Variants in ZFYVE28 observed in about 807,000 individuals in gnomAD.
ZFYVE28 encodes lateral signaling target protein 2 homolog.
In ZFYVE28, 40 loss-of-function variants were observed where a neutral mutation model predicts 82.1. That is an observed-to-expected ratio of 0.49 (90% CI 0.38 to 0.63). The LOEUF (loss-of-function observed/expected upper bound fraction) is 0.63. Among genes scored for constraint, ZFYVE28 ranks in the 30% least tolerant of loss-of-function variants. The pLI is 0.00. For synonymous variants in ZFYVE28, 612 were observed against 546.1 expected (o/e 1.12, Z -1.68); for missense variants, 1,321 against 1,242.1 (o/e 1.06, Z -0.96).
At position 2,303,296 on chromosome 4, in the gene ZFYVE28, G is replaced by A. The variant is rs567297888; in HGVS notation, c.2051+993C>T. ...GAAGGAGGCGTCTGCCCGCCACCAAGAACCCCCTTCCCCAGTGTGAGGACC... is the reference window on the plus strand; with the variant it reads ...GAAGGAGGCGTCTGCCCGCCACCAAAAACCCCCTTCCCCAGTGTGAGGACC... On this transcript the variant is annotated intron_variant, in intron 8 of 12. Coordinates refer to ENST00000290974, the MANE Select transcript of ZFYVE28 (RefSeq NM_020972.3). Among the ~76,000 whole-genome samples, 4 of 152,298 alleles carry A rather than the reference G, an allele frequency of 2.6e-5. No homozygotes were observed. The South Asian group carries it at 8.3e-4, about 32-fold the overall frequency.
At chr4:2,397,016 G>A (rs946326166) in intron 1 of ZFYVE28, among the ~76,000 whole-genome samples, 6 of 152,220 alleles carry the variant, frequency 3.9e-5, no homozygotes, top group African/African-American at 1.2e-4. Flanking sequence ...GAAGGACTCC[G>A]GCTCAGGGGC....
chr4:2,320,268 G>A lies in ZFYVE28; in HGVS notation c.705C>T (p.Gly235=). The A allele has an allele frequency of 6.2e-7, 1 of 1,613,964 alleles. No individual in the cohort carries two copies. The highest frequency in any genetic ancestry group is 8.5e-7 in the Non-Finnish European group (1 of 1,179,900). ...FSIPRLAIVC[G]LVVYADGPLN... ...GAGGTCCGTCCGCATAGACCACGAG[G>A]CCACTGCATTTGAGACACAAAAGCC... The change falls in exon 7 of 13, where the codon GGC becomes GGT. Residue 235 remains glycine, a synonymous_variant. Transcript: ENST00000290974. This position sits in a 1 kb window ranked among gnomAD's most constrained non-coding sequence, Gnocchi z 5.1.
At chr4:2,317,710 G>A (rs1421848042) in intron 7 of ZFYVE28, among the ~76,000 whole-genome samples, 2 of 152,080 alleles carry the variant, frequency 1.3e-5, no homozygotes, top group African/African-American at 4.8e-5. Flanking sequence ...TCAGCTCACT[G>A]CAAATTCCGC....
chr4:2,306,747 G>C (rs148209099), intron 7 of ZFYVE28: 2 of 152,200 alleles, frequency 1.3e-5, no homozygotes, highest in Admixed American at 6.5e-5. Context: ...TGGGCTTTCT[G>C]CTGTTGTATT....
chr4:2,308,677 GAGAA>G (rs1201951618), intron 7 of ZFYVE28, among the ~76,000 whole-genome samples: 1 of 76,490 alleles, frequency 1.3e-5, no homozygotes, highest in Non-Finnish European at 2.5e-5. Context: ...AAGAAAGAAA[GAGAA>G]AGAAAGAAAA....
At chr4:2,305,847 A>C (rs743695) in intron 7 of ZFYVE28, among the ~76,000 whole-genome samples, 46,615 of 152,118 alleles carry the variant, frequency 0.31, 7,589 homozygotes, top group African/African-American at 0.43. Context: ...TGTTAGCTGC[A>C]TGAATAAAAA....
At chr4:2,343,711 C>T (rs1481789710) in intron 2 of ZFYVE28, among the ~76,000 whole-genome samples, 1 of 151,858 alleles carries the variant, frequency 6.6e-6, no homozygotes, top group Non-Finnish European at 1.5e-5. Context: ...AGTGCTCAGC[C>T]CAGGTGGCAC....
intron 6 of ZFYVE28, among the ~76,000 whole-genome samples, chr4:2,334,969 G>T (rs943629527): frequency 6.0e-5 from 9 of 149,620 alleles, no homozygotes; most frequent in African/African-American, 2.2e-4. Context: ...CTGGAGTCAG[G>T]GTGTGGATGA....
At position 2,304,477 on chromosome 4, in the gene ZFYVE28, G is replaced by A. The variant is rs755208951; in HGVS notation, c.1863C>T (p.Ser621=). 6.2e-7 allele frequency: 1 copy of A among 1,613,322 alleles called. No individual in the cohort carries two copies. The highest frequency in any genetic ancestry group is 8.5e-7 in the Non-Finnish European group (1 of 1,179,848). Residue 621 remains serine, a synonymous_variant, in exon 8 of 13, where the codon TCC becomes TCT. Coordinates refer to ENST00000290974, the MANE Select transcript of ZFYVE28 (RefSeq NM_020972.3). ...EEAPPPSEDA[S]NGREPKAPTS... is the part of the protein sequence containing the mutation. ...TGGGGGCTTTGGGCTCCCGCCCGTT[G>A]GAGGCATCTTCTGAGGGTGGGGGCG...
rs1578446611 is a variant in ZFYVE28 at position 2,416,982 on chromosome 4, A to G, written c.39+1303T>C. Among the ~76,000 whole-genome samples the G allele has an allele frequency of 6.6e-6, 1 of 150,722 alleles. No individual in the cohort carries two copies. Among genetic ancestry groups the G allele is most frequent in the Admixed American group, 6.6e-5 (1 of 15,178 alleles). ...ACCTCCGTGCCGATCTTCCAAACCC[A>G]CCTCCCGCCTTCCTGGAATGGGCGC... On this transcript the variant is annotated intron_variant, in intron 1 of 12. Coordinates refer to ENST00000290974, the MANE Select transcript of ZFYVE28 (RefSeq NM_020972.3). The surrounding 1 kb of genome is among the most constrained non-coding windows in gnomAD (Gnocchi z 4.6).
intron 2 of ZFYVE28, among the ~76,000 whole-genome samples, chr4:2,344,194 A>G (rs1723195764): frequency 1.3e-5 from 2 of 152,226 alleles, no homozygotes; most frequent in South Asian, 4.1e-4. Context: ...CAGAGAAGAG[A>G]GAGCTGGACA....
At chr4:2,291,598 C>T (rs1446364885) in intron 8 of ZFYVE28, among the ~76,000 whole-genome samples, 1 of 152,210 alleles carries the variant, frequency 6.6e-6, no homozygotes, top group African/African-American at 2.4e-5. Flanking sequence ...GTGTGCCTCA[C>T]TGAGACCTGT....
chr4:2,270,623 C>A lies in ZFYVE28; in HGVS notation c.*102G>T. ...GGAGGTCTGGGTGCCCCTGCAGCAG[C>A]GGCAGCGGCCTCATGAGACGCAGTG... On this transcript the variant is annotated 3_prime_UTR_variant, in exon 13 of 13. Coordinates refer to ENST00000290974, the MANE Select transcript of ZFYVE28 (RefSeq NM_020972.3). 6.6e-7 allele frequency: 1 copy of A among 1,513,464 alleles called. No individual in the cohort carries two copies. Among genetic ancestry groups the A allele is most frequent in the Non-Finnish European group, 9.0e-7 (1 of 1,112,678 alleles). The allele number at this position is 1,513,464 out of a possible 1,614,324, so 93.8% of individuals were successfully genotyped here.
intron 8 of ZFYVE28, among the ~76,000 whole-genome samples, chr4:2,297,445 C>A (rs947215381): frequency 1.3e-5 from 2 of 152,164 alleles, no homozygotes; most frequent in South Asian, 4.1e-4. Flanking sequence ...CCAGGTGGGG[C>A]GCGGTGGGTG....
chr4:2,272,992 C>A (rs1263387206), intron 10 of ZFYVE28, among the ~76,000 whole-genome samples, 181 bp downstream of exon 10: 1 of 152,188 alleles, frequency 6.6e-6, no homozygotes, highest in Non-Finnish European at 1.5e-5. Flanking sequence ...GGCTCCCCAG[C>A]AGGAAGGGCA....
In ZFYVE28 at chr4:2,332,406, C is replaced by G. The variant is rs1720852415; in HGVS notation, c.701+3299G>C. Among the ~76,000 whole-genome samples, 1 of 152,160 alleles carries G rather than the reference C, an allele frequency of 6.6e-6. No homozygotes were observed. ...GCACCAACGTGCCCCTGCCTGCCAC[C>G]TGCACAGCTCCCACCTCTGGGCCGG... On this transcript the variant is annotated intron_variant, in intron 6 of 12. Coordinates refer to ENST00000290974, the MANE Select transcript of ZFYVE28 (RefSeq NM_020972.3). The surrounding 1 kb of genome is among the most constrained non-coding windows in gnomAD (Gnocchi z 4.7).
At position 2,320,409 on chromosome 4, in the gene ZFYVE28, A is replaced by G. The variant is rs975872295; in HGVS notation, c.702-138T>C. ...ACTGTCCCAGCACGGCCGCCGCCTC[A>G]TGCTTTGCCTTGTGTGATTGCATTG... is the stretch of plus-strand genomic sequence containing the variant. On this transcript the variant is annotated intron_variant, in intron 6 of 12. Transcript: ENST00000290974. The surrounding 1 kb of genome is among the most constrained non-coding windows in gnomAD (Gnocchi z 5.1). 1.5e-6 allele frequency: 1 copy of G among 647,290 alleles called. No homozygotes were observed. Among genetic ancestry groups the G allele is most frequent in the Non-Finnish European group, 2.7e-6 (1 of 370,044 alleles). 40.1% of individuals were successfully genotyped at this position (647,290 alleles called of 1,614,324 possible). A position where few individuals can be genotyped will look rare whatever the true frequency, so the allele number is the denominator to read the frequency against.
At chr4:2,279,590 T>G (rs553720663) in intron 8 of ZFYVE28, among the ~76,000 whole-genome samples, 1 of 152,002 alleles carries the variant, frequency 6.6e-6, no homozygotes, top group African/African-American at 2.4e-5. Flanking sequence ...CCATCCTGGC[T>G]AACACGATGA....
At chr4:2,331,341 G>T (rs569358654) in intron 6 of ZFYVE28, among the ~76,000 whole-genome samples, 1 of 152,048 alleles carries the variant, frequency 6.6e-6, no homozygotes, top group Admixed American at 6.5e-5. Context: ...TTCCTTTAAA[G>T]GAACTGTTTT....
Sources: gnomAD v4.1 joint callset for allele counts (sites outside exome capture counted in the v4.1 genomes callset) on GRCh38, gnomAD v4.1.1 for gene constraint, Gnocchi (gnomAD v3.1) non-coding constraint, MANE v1.5 for transcripts, NCBI Gene and HGNC (gene_info 2026-07-23, HGNC 2026-07-21) for gene names.